The following ANKS1B variants were observed in gnomAD, a reference collection of about 807,000 sequenced individuals.
ANKS1B encodes ankyrin repeat and sterile alpha motif domain containing 1B.
In ANKS1B, 36 loss-of-function variants were observed where a neutral mutation model predicts 148.3. The observed-to-expected ratio is 0.24, with a 90% confidence interval of 0.19 to 0.32. The LOEUF is 0.32. Among genes scored for constraint, ANKS1B ranks in the 10% least tolerant of loss-of-function variants. The pLI is 1.00. For missense variants in ANKS1B, 1,157 were observed against 1,542.6 expected, an observed-to-expected ratio of 0.75 and a Z score of 4.19; for synonymous variants, 542 against 560.8, an observed-to-expected ratio of 0.97 and a Z score of 0.47.
At chr12:99,286,962 G>T (rs1165085214) in intron 12 of ANKS1B, among the ~76,000 whole-genome samples, 1 of 152,114 alleles carries the variant, frequency 6.6e-6, no homozygotes, top group Non-Finnish European at 1.5e-5. Flanking sequence ...CCCACTCTGG[G>T]CCAGGGGGGA....
chr12:99,271,023 A>C (rs1286244356), intron 12 of ANKS1B, among the ~76,000 whole-genome samples: 2 of 152,234 alleles, frequency 1.3e-5, no homozygotes, highest in Non-Finnish European at 2.9e-5. Flanking sequence ...ATGTGATCAG[A>C]GACTAATCTA....
chr12:99,664,705 T>C (rs898527489), intron 8 of ANKS1B, among the ~76,000 whole-genome samples: 17 of 152,190 alleles, frequency 1.1e-4, no homozygotes, highest in African/African-American at 4.1e-4. Flanking sequence ...CCCTTTCCTA[T>C]CAATATTTCC....
intron 1 of ANKS1B, among the ~76,000 whole-genome samples, chr12:99,955,492 C>CAAAAAAAAA (rs61654867): frequency 5.3e-5 from 2 of 38,094 alleles, no homozygotes; most frequent in African/African-American, 9.4e-5. Flanking sequence ...AACTCCGTCT[C>CAAAAAAAAA]AAAAAAAAAA....
At chr12:99,230,465 A>T (rs1261513163) in intron 14 of ANKS1B, among the ~76,000 whole-genome samples, 1 of 152,118 alleles carries the variant, frequency 6.6e-6, no homozygotes, top group Non-Finnish European at 1.5e-5. Flanking sequence ...GTTGAATTGA[A>T]AACTGTACCA....
At chr12:99,180,876 C>CA (rs35635479) in intron 14 of ANKS1B, among the ~76,000 whole-genome samples, 19,034 of 151,898 alleles carry the variant, frequency 0.13, 1,442 homozygotes, top group South Asian at 0.25. Flanking sequence ...CTTTCTCCCC[C>CA]AAAGCAAGCC....
intron 11 of ANKS1B, among the ~76,000 whole-genome samples, chr12:99,406,564 A>T (rs1161920534): frequency 2.1e-5 from 3 of 145,566 alleles, no homozygotes; most frequent in Non-Finnish European, 4.6e-5. Context: ...AAGCACCTAC[A>T]TCAAAAAAGT....
chr12:99,200,954 G>A (rs2082003989), intron 14 of ANKS1B, among the ~76,000 whole-genome samples: 1 of 152,174 alleles, frequency 6.6e-6, no homozygotes. Flanking sequence ...GCCTCTCTAT[G>A]GAGTGCCATT....
chr12:99,553,821 C>A (rs1402106227), intron 9 of ANKS1B, among the ~76,000 whole-genome samples: 3 of 152,116 alleles, frequency 2.0e-5, no homozygotes, highest in African/African-American at 7.2e-5. Flanking sequence ...TGACCCGAGG[C>A]CTTTAGGGCC....
At chr12:99,587,086 A>T (rs1259860629) in intron 9 of ANKS1B, among the ~76,000 whole-genome samples, 1 of 152,168 alleles carries the variant, frequency 6.6e-6, no homozygotes, top group Non-Finnish European at 1.5e-5. Context: ...GAACAGGAAA[A>T]CAAAAAGAAG....
rs143987631 is a variant in ANKS1B at position 99,582,538 on chromosome 12, G to A, written c.1272+72529C>T. Among the ~76,000 whole-genome samples the A allele has an allele frequency of 4.4e-3, 673 of 152,198 alleles. 2 individuals are homozygous for A. The highest frequency in any genetic ancestry group is 7.9e-3 in the Non-Finnish European group (540 of 67,988). On this transcript the variant is annotated intron_variant, in intron 9 of 26. Coordinates refer to ENST00000683438, the MANE Select transcript of ANKS1B (RefSeq NM_001352186.2). ...TGAAAGGGACAGACAACTAATATGT[G>A]GATGAACCTGAAAACATTATGCTAT...
chr12:99,510,659 G>A, intron 9 of ANKS1B, among the ~76,000 whole-genome samples: 1 of 151,994 alleles, frequency 6.6e-6, no homozygotes, highest in South Asian at 2.1e-4. Context: ...TTGTAGAAAT[G>A]ATAACAAAGG....
chr12:99,179,214 GT>G (rs1284739339), intron 14 of ANKS1B, among the ~76,000 whole-genome samples: 1 of 151,820 alleles, frequency 6.6e-6, no homozygotes, highest in Non-Finnish European at 1.5e-5. Flanking sequence ...GGATCACGAG[GT>G]CAGGAGATTG....
chr12:98,855,617 A>AAC (rs2153790500), intron 17 of ANKS1B, among the ~76,000 whole-genome samples: 1 of 152,330 alleles, frequency 6.6e-6, no homozygotes, highest in Admixed American at 6.5e-5. Context: ...GGATAAAATA[A>AAC]ACTGTTTTTC....
intron 11 of ANKS1B, among the ~76,000 whole-genome samples, chr12:99,434,402 C>CAT (rs1357020973): frequency 6.6e-6 from 1 of 152,016 alleles, no homozygotes; most frequent in Non-Finnish European, 1.5e-5. Context: ...CAGACCAATA[C>CAT]ATATATATCT....
intron 12 of ANKS1B, among the ~76,000 whole-genome samples, chr12:99,341,591 T>C (rs1438428250): frequency 2.0e-5 from 3 of 152,116 alleles, no homozygotes; most frequent in Admixed American, 2.0e-4. Context: ...CCAATAGAAA[T>C]GTAGCTTCAA....
At chr12:99,473,134 T>C (rs2096267146) in intron 10 of ANKS1B, among the ~76,000 whole-genome samples, 1 of 151,984 alleles carries the variant, frequency 6.6e-6, no homozygotes, top group Admixed American at 6.6e-5. Flanking sequence ...CGTCTGTGCC[T>C]TTATACTTTT....
At chr12:99,526,180 TATATAAAAGTTAAA>T (rs1305651118) in intron 9 of ANKS1B, among the ~76,000 whole-genome samples, 1 of 152,194 alleles carries the variant, frequency 6.6e-6, no homozygotes, top group Non-Finnish European at 1.5e-5. Flanking sequence ...ATGGGCACTT[TATATAAAAGTTAAA>T]AGACTAACCA....
At chr12:99,448,175 G>A (rs2095667035) in intron 10 of ANKS1B, among the ~76,000 whole-genome samples, 1 of 152,086 alleles carries the variant, frequency 6.6e-6, no homozygotes. Context: ...TTATTCAGTA[G>A]CCAAGACATG....
chr12:99,222,831 A>G (rs2085332989), intron 14 of ANKS1B, among the ~76,000 whole-genome samples: 1 of 152,202 alleles, frequency 6.6e-6, no homozygotes. Flanking sequence ...GTGGGTAAGA[A>G]CACTTCTAAC....
Sources: gnomAD v4.1 joint callset for allele counts (sites outside exome capture counted in the v4.1 genomes callset) on GRCh38, gnomAD v4.1.1 for gene constraint, MANE v1.5 for transcripts, NCBI Gene and HGNC (gene_info 2026-07-23, HGNC 2026-07-21) for gene names.